MEI1: variants seen among roughly 807,000 people sequenced by gnomAD.
MEI1 encodes meiotic double-stranded break formation protein 1.
A neutral mutation model predicts 146.2 loss-of-function variants in MEI1; 103 were observed. The ratio of observed to expected loss-of-function variants is 0.70; its 90% CI spans 0.60 to 0.83. The LOEUF (loss-of-function observed/expected upper bound fraction) is 0.83, where lower values mean the gene tolerates loss of function less well. Among genes scored for constraint, MEI1 ranks in the 40% least tolerant of loss-of-function variants. MEI1 has a pLI of 0.00. For missense variants in MEI1, 1,529 were observed against 1,533.0 expected (o/e 1.00, Z 0.04); for synonymous variants, 652 against 628.2 (o/e 1.04, Z -0.57).
At chr22:41,779,525 G>C (rs958964398) in intron 22 of MEI1, among the ~76,000 whole-genome samples, 3 of 152,190 alleles carry the variant, frequency 2.0e-5, no homozygotes, top group Non-Finnish European at 2.9e-5. Context: ...TCTCAGCTTA[G>C]TCACTAGCAA....
chr22:41,766,738 G>A (rs1204090291), intron 19 of MEI1, among the ~76,000 whole-genome samples: 2 of 151,304 alleles, frequency 1.3e-5, no homozygotes, highest in East Asian at 3.9e-4. Flanking sequence ...TTCCTGTAGA[G>A]ACGGACTGGT....
At chr22:41,729,105 C>G (rs373509273) in intron 7 of MEI1, among the ~76,000 whole-genome samples, 3 of 135,966 alleles carry the variant, frequency 2.2e-5, no homozygotes, top group Non-Finnish European at 4.6e-5. Context: ...GCGGAGGTTG[C>G]AGTGAGCCAA....
chr22:41,760,590 C>T lies in MEI1; in HGVS notation c.2120+2057C>T, dbSNP rs1038604267. Among the ~76,000 whole-genome samples the T allele has an allele frequency of 5.3e-5, 8 of 152,070 alleles. No individual in the cohort carries two copies. In the East Asian group the frequency reaches 5.8e-4, roughly 11 times the overall value. ...GCCGTAGACAGAACCTCTCAGACACCGAATTGTAGAAGGAAGGGCTTTATT... is the reference window on the plus strand; with the variant it reads ...GCCGTAGACAGAACCTCTCAGACACTGAATTGTAGAAGGAAGGGCTTTATT... On this transcript the variant is annotated intron_variant, in intron 18 of 30. Transcript: ENST00000401548.
At chr22:41,721,599 C>T (rs2070809662) in intron 6 of MEI1, among the ~76,000 whole-genome samples, 1 of 151,702 alleles carries the variant, frequency 6.6e-6, no homozygotes. Flanking sequence ...CATTATATTG[C>T]CCAGGCTGGT....
chr22:41,739,984 G>A (rs564109341), intron 11 of MEI1, among the ~76,000 whole-genome samples: 1 of 151,808 alleles, frequency 6.6e-6, no homozygotes, highest in South Asian at 2.1e-4. Flanking sequence ...GGAGAGAGAT[G>A]GATAGGGGGC....
intron 22 of MEI1, among the ~76,000 whole-genome samples, chr22:41,780,949 G>C (rs1014912250): frequency 6.6e-6 from 1 of 152,130 alleles, no homozygotes; most frequent in Non-Finnish European, 1.5e-5. Context: ...GTGAGAGAGG[G>C]GATGTGGCAA....
At chr22:41,762,517 G>A (rs1401948975) in intron 18 of MEI1, among the ~76,000 whole-genome samples, 1 of 151,478 alleles carries the variant, frequency 6.6e-6, no homozygotes, top group African/African-American at 2.4e-5. Flanking sequence ...TGGGACTATA[G>A]GCATGCGTCT....
Position 41,781,666 on chromosome 22 carries a change from C to A in MEI1, c.2927-19C>A. ...TCCTCTGTAACTCCTGTGGGCCCTG[C>A]CTTGCCCACCCCCGACAGCTGCTGC... On this transcript the variant is annotated intron_variant, in intron 23 of 30. Transcript: ENST00000401548. 1 of 1,610,190 alleles carries A rather than the reference C, an allele frequency of 6.2e-7. No individual in the cohort carries two copies. Among genetic ancestry groups the A allele is most frequent in the Non-Finnish European group, 8.5e-7 (1 of 1,178,186 alleles).
At chr22:41,780,457 T>C (rs544799687) in intron 22 of MEI1, among the ~76,000 whole-genome samples, 6 of 152,046 alleles carry the variant, frequency 3.9e-5, no homozygotes, top group Non-Finnish European at 7.4e-5. Flanking sequence ...GTTCTATAGA[T>C]ATCTACAGTG....
At chr22:41,751,791 G>A (rs1328380412) in intron 15 of MEI1, among the ~76,000 whole-genome samples, 4 of 141,050 alleles carry the variant, frequency 2.8e-5, no homozygotes, top group African/African-American at 8.7e-5. Context: ...AAAAAAAAAG[G>A]CCAGGCGCAG....
chr22:41,738,461 C>T (rs972698819), intron 11 of MEI1, among the ~76,000 whole-genome samples: 2 of 151,920 alleles, frequency 1.3e-5, no homozygotes, highest in African/African-American at 4.8e-5. Context: ...GTGGCGGGTG[C>T]CTGTAATTCC....
Position 41,745,872 on chromosome 22 carries a change from A to T in MEI1, c.1539-13A>T. 1 of 1,603,020 alleles carries T rather than the reference A, an allele frequency of 6.2e-7. No homozygotes were observed. Among genetic ancestry groups the T allele is most frequent in the Non-Finnish European group, 8.5e-7 (1 of 1,172,012 alleles). On this transcript the variant is annotated splice_polypyrimidine_tract_variant and intron_variant, in intron 13 of 30. Transcript: ENST00000401548. ...TAGGTGGTAGTGGATATACTCACAC[A>T]TTGATTTCTTAGGTTGGCTATAGAA...
chr22:41,725,815 G>C (rs2071288076), intron 7 of MEI1, among the ~76,000 whole-genome samples: 1 of 152,206 alleles, frequency 6.6e-6, no homozygotes, highest in African/African-American at 2.4e-5. Flanking sequence ...ACCATATTGT[G>C]GTTGACTGGC....
intron 19 of MEI1, 59 bp from the exon 20 acceptor site, chr22:41,770,627 T>TG: frequency 6.6e-7 from 1 of 1,504,342 alleles, no homozygotes; most frequent in Non-Finnish European, 9.0e-7. Context: ...TTGGCCATGT[T>TG]GGGGTCTCTT....
rs1337558013 is a variant in MEI1, at chr22:41,784,713, C to T, written c.3275C>T (p.Thr1092Ile). ...GAQPLPATKD[T>I]VLAPLRMSQV... is the part of the protein sequence containing the mutation. ...CAGCCACTGCCAGCCACCAAGGACA[C>T]TGTCCTAGCTCCACTGCGAATGTCG... The change falls in exon 26 of 31, where the codon ACT becomes ATT. Residue 1092 changes from threonine (T) to isoleucine (I), a missense_variant. Thr to Ile is a moderately conservative substitution (Grantham distance 89). This residue lies in a region of MEI1 where 313 missense variants were observed against 337.3 expected (regional missense o/e 0.93). Coordinates refer to ENST00000401548, the MANE Select transcript of MEI1 (RefSeq NM_152513.4). The T allele has an allele frequency of 1.2e-6, 2 of 1,613,648 alleles. No individual in the cohort carries two copies. The highest frequency in any genetic ancestry group is 2.2e-5 in the South Asian group (2 of 90,968).
intron 30 of MEI1, among the ~76,000 whole-genome samples, chr22:41,798,116 A>ACAC (rs2076427204): frequency 2.2e-5 from 3 of 135,830 alleles, no homozygotes; most frequent in Non-Finnish European, 4.7e-5. Context: ...TCCTCAGCCC[A>ACAC]ACACACACAC....
chr22:41,796,030 A>G (rs539338836), intron 30 of MEI1, among the ~76,000 whole-genome samples, 183 bp downstream of exon 30: 12 of 152,272 alleles, frequency 7.9e-5, no homozygotes, highest in Admixed American at 7.2e-4. Flanking sequence ...CTCCCAGGCC[A>G]TAAGAAGCTG....
chr22:41,716,686 C>CTT lies in MEI1; in HGVS notation c.529+557_529+558dup, dbSNP rs55994680. Among the ~76,000 whole-genome samples, 16 of 108,122 alleles carry CTT rather than the reference C, an allele frequency of 1.5e-4. 1 individual carries two copies. The South Asian group carries it at 1.6e-3, about 11-fold the overall frequency. 70.9% of individuals were successfully genotyped at this position (108,122 alleles called of 152,430 possible). ...CCACCACGCTGGCCTTCCATTCATT[C>CTT]TTTTTTTTTTTTTTTTTTCCCTGAG... is the stretch of plus-strand genomic sequence containing the variant. On this transcript the variant is annotated intron_variant, in intron 5 of 30. Coordinates refer to ENST00000401548, the MANE Select transcript of MEI1 (RefSeq NM_152513.4).
intron 11 of MEI1, among the ~76,000 whole-genome samples, chr22:41,741,701 C>T (rs964977283): frequency 6.6e-6 from 1 of 152,162 alleles, no homozygotes; most frequent in African/African-American, 2.4e-5. Flanking sequence ...TGATGCTGGG[C>T]GTGGTGGCTC....
Sources: gnomAD v4.1 joint callset for allele counts (sites outside exome capture counted in the v4.1 genomes callset) on GRCh38, gnomAD v4.1.1 for gene constraint, gnomAD v4.1.1 regional missense constraint, MANE v1.5 for transcripts, NCBI Gene and HGNC (gene_info 2026-07-23, HGNC 2026-07-21) for gene names.